The following CASKIN1 variants were observed in gnomAD, a reference collection of about 807,000 sequenced individuals.
CASKIN1 encodes the protein CASK interacting protein 1.
Under a neutral mutation model 117.5 loss-of-function variants are expected in CASKIN1, and 42 were observed. That is an observed-to-expected ratio of 0.36 (90% CI 0.28 to 0.46). CASKIN1 has a LOEUF of 0.46. CASKIN1 is among the 20% of genes least tolerant of loss of function. The probability of loss-of-function intolerance (pLI) is 1.00; values close to 1 mark genes in which losing one functional copy is unlikely to be tolerated. For synonymous variants in CASKIN1, 1,148 were observed against 961.7 expected, an observed-to-expected ratio of 1.19 and a Z score of -3.59; for missense variants, 2,083 against 2,077.3, an observed-to-expected ratio of 1.00 and a Z score of -0.05.
At position 2,182,005 on chromosome 16, in the gene CASKIN1, G is replaced by A; in HGVS notation, c.1630-76C>T. 6.3e-7 allele frequency: 1 copy of A among 1,593,960 alleles called. No homozygotes were observed. The highest frequency in any genetic ancestry group is 8.6e-7 in the Non-Finnish European group (1 of 1,166,960). On this transcript the variant is annotated intron_variant, in intron 16 of 19. Transcript: ENST00000343516. This position sits in a 1 kb window ranked among gnomAD's most constrained non-coding sequence, Gnocchi z 4.1. ...GCCCATCTACCTGGAGCTGGAGGAG[G>A]AAGGGTCACCGGGCCAGCAGGGCAC...
chr16:2,192,624 C>T (rs1275753574), intron 1 of CASKIN1, among the ~76,000 whole-genome samples: 3 of 152,214 alleles, frequency 2.0e-5, no homozygotes, highest in Admixed American at 6.5e-5. Flanking sequence ...GCCTCCCTCA[C>T]ATTTTTCAGA....
intron 14 of CASKIN1, 66 bp from the exon 15 acceptor site, chr16:2,184,007 C>T: frequency 9.0e-7 from 1 of 1,115,688 alleles, no homozygotes; most frequent in Non-Finnish European, 1.3e-6. Flanking sequence ...CACAGTGCCG[C>T]CTCCTCTGCT....
rs768552379 is a variant in CASKIN1 at position 2,180,589 on chromosome 16, C to T, written c.2779G>A (p.Asp927Asn). 2.3e-5 allele frequency: 36 copies of T among 1,572,336 alleles called. 1 individual carries two copies. The highest frequency in any genetic ancestry group is 2.8e-5 in the Non-Finnish European group (33 of 1,166,286). The change falls in exon 18 of 20, where the codon GAC (aspartate) becomes AAC (asparagine). Residue 927 changes from aspartate to asparagine, a missense_variant. This residue lies in a region of CASKIN1 where 1,818 missense variants were observed against 1,688.9 expected (regional missense o/e 1.08). Coordinates refer to ENST00000343516, the MANE Select transcript of CASKIN1 (RefSeq NM_020764.4). ...SHSVRAPAGA[D>N]KNVNRSQSFA... ...GACTGGCTGCGGTTGACGTTCTTGT[C>T]GGCACCTGCGGGCGCCCTCACTGAG...
rs772353195 is a variant in CASKIN1 at position 2,178,956 on chromosome 16, G to A, written c.4145C>T (p.Ala1382Val). ...CTTCTCCTCCACCGCCTGCAGCGCC[G>A]CGGCCAGGCACGCGCTTGTCTCCTC... ...KLEETSACLA[A>V]ALQAVEEKIR... The change falls in exon 19 of 20, where the codon GCG (alanine) becomes GTG (valine). Residue 1382 changes from alanine to valine, a missense_variant. Physicochemically the swap from Ala to Val is moderately conservative, Grantham distance 64. This residue lies in a region of CASKIN1 where 1,818 missense variants were observed against 1,688.9 expected (regional missense o/e 1.08). Coordinates refer to ENST00000343516, the MANE Select transcript of CASKIN1 (RefSeq NM_020764.4). 12 of 1,484,806 alleles carry A rather than the reference G, an allele frequency of 8.1e-6. No homozygotes were observed. The highest frequency in any genetic ancestry group is 1.1e-5 in the Non-Finnish European group (12 of 1,126,542). The allele number at this position is 1,484,806 out of a possible 1,614,324, so 92.0% of individuals were successfully genotyped here.
At chr16:2,181,672 TGGGCTGGGCTTGGGGCCCAGCTTG>T (rs2093168644) in intron 17 of CASKIN1, 73 bp from the exon 18 acceptor site, 5 of 211,252 alleles carry the variant, frequency 2.4e-5, no homozygotes, top group South Asian at 1.8e-4. Context: ...GGGGCGGGGC[TGGGCTGGGCTTGGGGCCCAGCTTG>T]GGGCTGGGGC....
chr16:2,183,139 A>AT (rs2093173275), intron 16 of CASKIN1, among the ~76,000 whole-genome samples: 1 of 152,194 alleles, frequency 6.6e-6, no homozygotes, highest in African/African-American at 2.4e-5. Context: ...ATCGCTGAGA[A>AT]TGGGGGTGTC....
In CASKIN1 at chr16:2,187,229, G is replaced by A. The variant is rs753407147; in HGVS notation, c.772C>T (p.Leu258=). 1.7e-5 allele frequency: 28 copies of A among 1,614,074 alleles called. No individual in the cohort carries two copies. The highest frequency in any genetic ancestry group is 2.2e-5 in the Non-Finnish European group (26 of 1,179,980). Residue 258 remains leucine, a synonymous_variant, in exon 8 of 20, where the codon CTG becomes TTG. Transcript: ENST00000343516. ...HVRNTYSQTA[L]DIVHQFTTSQ... is the part of the protein sequence containing the mutation. ...GTGGTGAACTGGTGCACGATGTCCA[G>A]GGCTGTCTGGCTGTAGGTGTTCCTC... is the stretch of plus-strand genomic sequence containing the variant.
At chr16:2,192,251 G>T (rs2093203352) in intron 1 of CASKIN1, among the ~76,000 whole-genome samples, 1 of 151,834 alleles carries the variant, frequency 6.6e-6, no homozygotes, top group South Asian at 2.1e-4. Context: ...GTGAGCCGGG[G>T]TCGCACCACT....
chr16:2,188,819 G>T (rs2093192402), intron 6 of CASKIN1: 1 of 658,152 alleles, frequency 1.5e-6, no homozygotes, highest in Non-Finnish European at 2.5e-6. Flanking sequence ...GTGGGGCTGG[G>T]ACAGAGACGT....
In CASKIN1 at chr16:2,187,500, C is replaced by G. The variant is rs369708300; in HGVS notation, c.618-39G>C. On this transcript the variant is annotated intron_variant, in intron 6 of 19. Transcript: ENST00000343516. ...AAGGTGGACAGGCGGGGCCTTCCAGCAGGAGGCCGGCCCCAGCACCCCCAA... is the reference window on the plus strand; with the variant it reads ...AAGGTGGACAGGCGGGGCCTTCCAGGAGGAGGCCGGCCCCAGCACCCCCAA... 4 of 1,552,694 alleles carry G rather than the reference C, an allele frequency of 2.6e-6. 1 individual carries two copies. In the South Asian group the frequency reaches 3.3e-5, roughly 13 times the overall value.
rs1331301286 is a variant in CASKIN1, at chr16:2,180,346, G to A, written c.3022C>T (p.Leu1008=). 1.9e-6 allele frequency: 3 copies of A among 1,597,226 alleles called. No individual in the cohort carries two copies. Among genetic ancestry groups the A allele is most frequent in the East Asian group, 2.2e-5 (1 of 44,602 alleles). ...AGSVKSIAAM[L]ELSSIGGGGR... ...CCACCCCCAATGGAGGACAGCTCCA[G>A]CATGGCCGCGATGCTCTTCACACTG... Residue 1008 remains leucine (L), a synonymous_variant, in exon 18 of 20, where the codon CTG becomes TTG. Transcript: ENST00000343516.
At position 2,179,199 on chromosome 16, in the gene CASKIN1, G is replaced by A. The variant is rs2093157361; in HGVS notation, c.3902C>T (p.Pro1301Leu). 19 of 1,155,580 alleles carry A rather than the reference G, an allele frequency of 1.6e-5. No individual in the cohort carries two copies. Among genetic ancestry groups the A allele is most frequent in the Middle Eastern group, 3.6e-4 (1 of 2,798 alleles). 71.6% of individuals were successfully genotyped at this position (1,155,580 alleles called of 1,614,324 possible). A position where few individuals can be genotyped will look rare whatever the true frequency, so the allele number is the denominator to read the frequency against. The change falls in exon 19 of 20, where the codon CCC becomes CTC. Residue 1301 changes from proline (P) to leucine (L), a missense_variant. Physicochemically the swap from Pro to Leu is moderately conservative, Grantham distance 98. Coordinates refer to ENST00000343516, the MANE Select transcript of CASKIN1 (RefSeq NM_020764.4). The surrounding 1 kb of genome is among the most constrained non-coding windows in gnomAD (Gnocchi z 5.8). ...PSGSAGPSPA[P>L]SPARQPPAAL... ...GGCGGGCGGCTGTCGCGCGGGCGAG[G>A]GTGCGGGTGAAGGGCCGGCGCTGCC...
intron 6 of CASKIN1, chr16:2,188,791 C>G (rs983889962): frequency 1.8e-6 from 1 of 550,072 alleles, no homozygotes; most frequent in East Asian, 3.2e-5. Context: ...AGCACCTCCT[C>G]GAGCACACCC....
In CASKIN1 at chr16:2,180,918, G is replaced by A. The variant is rs1339977590; in HGVS notation, c.2450C>T (p.Pro817Leu). Reference sequence around the variant, plus strand: ...CTGAGGCAGGGAGCGGGGTGACATGGGGCGCTCTGTCGGCGGCAGCAGCTG... The same window carrying A: ...CTGAGGCAGGGAGCGGGGTGACATGAGGCGCTCTGTCGGCGGCAGCAGCTG... Reference protein sequence around the residue: ...TPQLLPPTERPMSPRSLPQSP... With the variant: ...TPQLLPPTERLMSPRSLPQSP... Residue 817 changes from proline to leucine, a missense_variant, in exon 18 of 20, where the codon CCC becomes CTC. Physicochemically the swap from Pro to Leu is moderately conservative, Grantham distance 98. Transcript: ENST00000343516. 1.4e-6 allele frequency: 2 copies of A among 1,458,726 alleles called. No individual in the cohort carries two copies. The highest frequency in any genetic ancestry group is 1.5e-5 in the South Asian group (1 of 67,404). The allele number at this position is 1,458,726 out of a possible 1,614,324, so 90.4% of individuals were successfully genotyped here.
Position 2,180,498 on chromosome 16 carries a change from A to T in CASKIN1, c.2870T>A (p.Leu957Gln), listed in dbSNP as rs1464825948. 3 of 1,550,312 alleles carry T rather than the reference A, an allele frequency of 1.9e-6. No individual in the cohort carries two copies. Among genetic ancestry groups the T allele is most frequent in the Non-Finnish European group, 2.6e-6 (3 of 1,154,136 alleles). The change falls in exon 18 of 20, where the codon CTG becomes CAG. Residue 957 changes from leucine (L) to glutamine (Q), a missense_variant. By Grantham distance (113) the Leu-to-Gln change is moderately radical. Around this residue, in one of 3 missense-constraint regions of CASKIN1, gnomAD observed 1,818 missense variants for 1,688.9 expected, o/e 1.08. Transcript: ENST00000343516. ...CTCATCCGCCAGGTTGGCACTAGCCAGGGCCGAGCTGGAGCGCTTGGGTGG... is the reference window on the plus strand; with the variant it reads ...CTCATCCGCCAGGTTGGCACTAGCCTGGGCCGAGCTGGAGCGCTTGGGTGG... The part of the protein sequence containing the change: ...PPPPKRSSSA[L>Q]ASANLADEPV...
chr16:2,184,218 C>T (rs536257001), intron 14 of CASKIN1, among the ~76,000 whole-genome samples: 1 of 152,226 alleles, frequency 6.6e-6, no homozygotes, highest in Admixed American at 6.5e-5. Context: ...CCGCCACACG[C>T]CTCCCTGACT....
chr16:2,193,277 A>G (rs1476330596), intron 1 of CASKIN1, among the ~76,000 whole-genome samples: 2 of 152,196 alleles, frequency 1.3e-5, no homozygotes, highest in Non-Finnish European at 2.9e-5. Context: ...TCAGCCTCCC[A>G]AAGTGCTGGG....
At chr16:2,185,543 C>T (rs766562711) in intron 10 of CASKIN1, 135 bp from the exon 11 acceptor site, 70 of 730,684 alleles carry the variant, frequency 9.6e-5, no homozygotes, top group Non-Finnish European at 1.3e-4. Context: ...GAGCTGATAG[C>T]CCCTCGGAAG....
rs949773321 is a variant in CASKIN1, at chr16:2,180,816, G to A, written c.2552C>T (p.Pro851Leu). 11 of 1,391,170 alleles carry A rather than the reference G, an allele frequency of 7.9e-6. No homozygotes were observed. The highest frequency in any genetic ancestry group is 1.0e-5 in the Non-Finnish European group (11 of 1,080,944). The allele number at this position is 1,391,170 out of a possible 1,614,324, so 86.2% of individuals were successfully genotyped here. Residue 851 changes from proline (P) to leucine (L), a missense_variant, in exon 18 of 20, where the codon CCT becomes CTT. Physicochemically the swap from Pro to Leu is moderately conservative, Grantham distance 98. Around this residue, in one of 3 missense-constraint regions of CASKIN1, gnomAD observed 1,818 missense variants for 1,688.9 expected, o/e 1.08. Transcript: ENST00000343516. ...EGEVGPAAPGPAPPPVPTAVP... is the reference protein window; with the variant it reads ...EGEVGPAAPGLAPPPVPTAVP... ...AGCCGTCGGCACGGGTGGGGGCGCA[G>A]GCCCCGGGGCAGCCGGCCCCACCTC...
Sources: gnomAD v4.1 joint callset for allele counts (sites outside exome capture counted in the v4.1 genomes callset) on GRCh38, gnomAD v4.1.1 for gene constraint, gnomAD v4.1.1 regional missense constraint, Gnocchi (gnomAD v3.1) non-coding constraint, MANE v1.5 for transcripts, NCBI Gene and HGNC (gene_info 2026-07-23, HGNC 2026-07-21) for gene names.